ZNF469: variants seen among roughly 807,000 people sequenced by gnomAD.
The protein encoded by ZNF469 is zinc finger protein 469.
Under a neutral mutation model 1.0 loss-of-function variants are expected in ZNF469, and 1 was observed. The observed-to-expected ratio is 1.00, with a 90% CI of 0.35 to 4.73. The LOEUF is 4.73. Among genes scored for constraint, ZNF469 ranks in the 30% most tolerant of loss-of-function variants. The pLI is 0.16. For missense variants in ZNF469, 6,100 were observed against 5,356.3 expected, an observed-to-expected ratio of 1.14 and a Z score of -4.33; for synonymous variants, 2,703 against 2,363.4, an observed-to-expected ratio of 1.14 and a Z score of -4.17.
chr16:88,270,032 C>T, the ZNF469 span, among the ~76,000 whole-genome samples: 1 of 152,200 alleles, frequency 6.6e-6, no homozygotes, highest in African/African-American at 2.4e-5. Flanking sequence ...ATCAGCACTG[C>T]CTCCTGTAGA....
the ZNF469 span, among the ~76,000 whole-genome samples, chr16:88,158,216 C>A: frequency 6.6e-6 from 1 of 151,866 alleles, no homozygotes; most frequent in African/African-American, 2.4e-5. Context: ...TTAGAGGCAG[C>A]CTCTGGGCCA....
At chr16:88,301,054 G>T in the ZNF469 span, among the ~76,000 whole-genome samples, 1 of 151,940 alleles carries the variant, frequency 6.6e-6, no homozygotes, top group Non-Finnish European at 1.5e-5. Flanking sequence ...AACAGAGCGA[G>T]ACTGTCTCAA....
chr16:88,406,806 A>C (rs1905039269), intron 1 of ZNF469, among the ~76,000 whole-genome samples: 1 of 151,758 alleles, frequency 6.6e-6, no homozygotes, highest in African/African-American at 2.4e-5. Flanking sequence ...GAGTACTGTT[A>C]GTGTTTTGCT....
chr16:88,149,069 G>T, the ZNF469 span, among the ~76,000 whole-genome samples: 1 of 152,184 alleles, frequency 6.6e-6, no homozygotes, highest in South Asian at 2.1e-4. Context: ...GTGTTCCCTG[G>T]GGTCAGGAGG....
chr16:88,298,333 C>T, the ZNF469 span, among the ~76,000 whole-genome samples: 1 of 152,154 alleles, frequency 6.6e-6, no homozygotes, highest in African/African-American at 2.4e-5. Flanking sequence ...CCTTCTGCCT[C>T]GAGGAGCTGT....
the ZNF469 span, among the ~76,000 whole-genome samples, chr16:88,238,469 G>C: frequency 6.6e-6 from 1 of 150,514 alleles, no homozygotes; most frequent in African/African-American, 2.5e-5. Context: ...TAAATAGATA[G>C]ACCCTGGATA....
the ZNF469 span, among the ~76,000 whole-genome samples, chr16:88,277,538 G>A: frequency 1.7e-4 from 25 of 147,714 alleles, no homozygotes; most frequent in South Asian, 4.4e-4. Context: ...TTAGTGCTGC[G>A]CCACGCCGAC....
At chr16:88,305,502 G>GCA in the ZNF469 span, among the ~76,000 whole-genome samples, 1 of 117,552 alleles carries the variant, frequency 8.5e-6, no homozygotes, top group Admixed American at 8.7e-5. Context: ...AGGCACACAC[G>GCA]CACACCCTCA....
the ZNF469 span, among the ~76,000 whole-genome samples, chr16:88,268,093 T>C: frequency 6.6e-6 from 1 of 152,198 alleles, no homozygotes. Flanking sequence ...CCTTTGGATG[T>C]GTTTATTTGC....
chr16:88,184,182 C>G, the ZNF469 span, among the ~76,000 whole-genome samples: 3 of 152,066 alleles, frequency 2.0e-5, no homozygotes, highest in Admixed American at 2.0e-4. Context: ...GTGGCTGGGA[C>G]TGATTCTAGA....
the ZNF469 span, among the ~76,000 whole-genome samples, chr16:88,184,607 G>T: frequency 9.1e-3 from 1,385 of 152,140 alleles, 22 homozygotes; most frequent in African/African-American, 0.032. Flanking sequence ...GTTTCAGGGG[G>T]GAAGCTGCAG....
In ZNF469 at chr16:88,432,329, A is replaced by G; in HGVS notation, c.4859A>G (p.Asp1620Gly). Residue 1620 changes from aspartate (D) to glycine (G), a missense_variant, in exon 3 of 3, where the codon GAC becomes GGC. Asp to Gly is a moderately conservative substitution (Grantham distance 94). Transcript: ENST00000565624. ...RTCQATVPHEDTFSAADLTRV... is the reference protein window; with the variant it reads ...RTCQATVPHEGTFSAADLTRV... ...TGCCAGGCCACCGTGCCCCACGAGGACACGTTCTCGGCAGCTGACCTCACG... is the reference window on the plus strand; with the variant it reads ...TGCCAGGCCACCGTGCCCCACGAGGGCACGTTCTCGGCAGCTGACCTCACG... 6.5e-7 allele frequency: 1 copy of G among 1,548,250 alleles called. No individual in the cohort carries two copies. Among genetic ancestry groups the G allele is most frequent in the Non-Finnish European group, 8.7e-7 (1 of 1,146,928 alleles).
the ZNF469 span, chr16:88,177,566 C>T: frequency 6.6e-6 from 1 of 152,220 alleles, no homozygotes; most frequent in Non-Finnish European, 1.5e-5. This position sits in a 1 kb window ranked among gnomAD's most constrained non-coding sequence, Gnocchi z 4.8. Context: ...GGGATGTGCC[C>T]CTGACACCGA....
At chr16:88,148,521 A>G in the ZNF469 span, among the ~76,000 whole-genome samples, 1 of 152,164 alleles carries the variant, frequency 6.6e-6, no homozygotes, top group Non-Finnish European at 1.5e-5. Flanking sequence ...GGCAATGTGG[A>G]AGCCTGGCTG....
chr16:88,104,621 T>C, the ZNF469 span, among the ~76,000 whole-genome samples: 1 of 152,248 alleles, frequency 6.6e-6, no homozygotes, highest in Non-Finnish European at 1.5e-5. Flanking sequence ...CAGCGTCACA[T>C]TCCGGGGGCC....
Position 88,383,137 on chromosome 16 carries a change from G to C in ZNF469, c.-309G>C, listed in dbSNP as rs1432766927. On this transcript the variant is annotated 5_prime_UTR_variant, in exon 1 of 3. Coordinates refer to ENST00000565624, the MANE Select transcript of ZNF469 (RefSeq NM_001367624.2). ...TCGGTGCCCGGCGGGCGGGCGGCCC[G>C]GGCGGGCCTGCGGTCGGGATGAGGA... Among the ~76,000 whole-genome samples the C allele has an allele frequency of 1.3e-5, 2 of 148,462 alleles. No homozygotes were observed. The highest frequency in any genetic ancestry group is 3.0e-5 in the Non-Finnish European group (2 of 66,596).
chr16:88,436,688 C>CCAGCTTCTTAGACTTCGAGGG lies in ZNF469; in HGVS notation c.9221_9241dup (p.Ser3074_Gly3080dup). 1 of 1,550,240 alleles carries CCAGCTTCTTAGACTTCGAGGG rather than the reference C, an allele frequency of 6.5e-7. No homozygotes were observed. The highest frequency in any genetic ancestry group is 1.7e-4 in the Middle Eastern group (1 of 5,990). ...GAAGACCCCGTGGGTCTCCCCGGCC[C>CCAGCTTCTTAGACTTCGAGGG]CAGCTTCTTAGACTTCGAGGGCACG... On this transcript the variant is annotated inframe_insertion, in exon 3 of 3. Coordinates refer to ENST00000565624, the MANE Select transcript of ZNF469 (RefSeq NM_001367624.2).
At chr16:88,348,998 C>T in the ZNF469 span, among the ~76,000 whole-genome samples, 1 of 152,218 alleles carries the variant, frequency 6.6e-6, no homozygotes, top group African/African-American at 2.4e-5. Context: ...AGTCCTCGGC[C>T]CCTGCCTCCC....
the ZNF469 span, among the ~76,000 whole-genome samples, chr16:88,330,483 G>A: frequency 6.6e-6 from 1 of 152,202 alleles, no homozygotes; most frequent in Non-Finnish European, 1.5e-5. Context: ...ATTCCCAGTG[G>A]TTCTCATGCG....
Sources: gnomAD v4.1 joint callset for allele counts (sites outside exome capture counted in the v4.1 genomes callset) on GRCh38, gnomAD v4.1.1 for gene constraint, Gnocchi (gnomAD v3.1) non-coding constraint, MANE v1.5 for transcripts, NCBI Gene and HGNC (gene_info 2026-07-23, HGNC 2026-07-21) for gene names.